The following FGD4 variants were observed in gnomAD, a reference collection of about 807,000 sequenced individuals.
The protein encoded by FGD4 is FYVE, RhoGEF and PH domain-containing protein 4.
FGD4 carries 42 observed loss-of-function variants against 102.0 expected under a neutral mutation model. The observed-to-expected ratio is 0.41, with a 90% confidence interval of 0.32 to 0.53. The LOEUF (loss-of-function observed/expected upper bound fraction) is 0.53. FGD4 is among the 20% of genes least tolerant of loss of function. The pLI is 0.21. For missense variants in FGD4, 902 were observed against 1,078.2 expected (o/e 0.84, Z 2.29); for synonymous variants, 380 against 375.7 (o/e 1.01, Z -0.13).
chr12:32,472,770 C>G (rs1275590774), intron 1 of FGD4, among the ~76,000 whole-genome samples: 1 of 152,210 alleles, frequency 6.6e-6, no homozygotes, highest in Non-Finnish European at 1.5e-5. Context: ...CTGGTGGGGA[C>G]GTGGAGAGTC....
At chr12:32,459,696 CT>C (rs528060186) in intron 1 of FGD4, among the ~76,000 whole-genome samples, 23 of 145,420 alleles carry the variant, frequency 1.6e-4, no homozygotes, top group East Asian at 2.0e-4. Flanking sequence ...AGTAGATTTT[CT>C]TTTTTTTTTT....
intron 2 of FGD4, among the ~76,000 whole-genome samples, chr12:32,575,103 G>C (rs2136364650): frequency 1.3e-5 from 2 of 152,154 alleles, no homozygotes; most frequent in East Asian, 3.8e-4. Flanking sequence ...TTCATGAAAT[G>C]ATCTTTATTT....
At chr12:32,593,874 C>T (rs1251119323) in intron 4 of FGD4, among the ~76,000 whole-genome samples, 2 of 152,298 alleles carry the variant, frequency 1.3e-5, no homozygotes, top group Admixed American at 1.3e-4. Flanking sequence ...GAATAGGCTA[C>T]TGCTACTAAT....
At chr12:32,486,869 T>C (rs1943918718) in intron 1 of FGD4, among the ~76,000 whole-genome samples, 1 of 152,138 alleles carries the variant, frequency 6.6e-6, no homozygotes, top group Non-Finnish European at 1.5e-5. Flanking sequence ...TTTTGTTCAG[T>C]AGGAAGGAGA....
At chr12:32,440,585 G>C (rs1482926100) in intron 1 of FGD4, among the ~76,000 whole-genome samples, 1 of 152,108 alleles carries the variant, frequency 6.6e-6, no homozygotes, top group Non-Finnish European at 1.5e-5. Context: ...GAACCCCTGT[G>C]GCCACTACCA....
chr12:32,439,671 C>T (rs1169307865), intron 1 of FGD4, among the ~76,000 whole-genome samples: 1 of 152,142 alleles, frequency 6.6e-6, no homozygotes, highest in East Asian at 1.9e-4. Context: ...GTTAAATCTG[C>T]TTGGTGTTCT....
chr12:32,605,481 C>T (rs1213331287), intron 7 of FGD4, among the ~76,000 whole-genome samples: 1 of 152,134 alleles, frequency 6.6e-6, no homozygotes, highest in African/African-American at 2.4e-5. Flanking sequence ...TCATACTTTT[C>T]AGTGATATCC....
At chr12:32,526,287 C>T (rs12820309) in intron 1 of FGD4, among the ~76,000 whole-genome samples, 11,659 of 151,740 alleles carry the variant, frequency 0.077, 651 homozygotes, top group Non-Finnish European at 0.11. Flanking sequence ...ACCTTTATGT[C>T]TAGCTCAAGG....
intron 1 of FGD4, among the ~76,000 whole-genome samples, chr12:32,563,411 G>C (rs1944857971): frequency 6.6e-6 from 1 of 151,884 alleles, no homozygotes; most frequent in Admixed American, 6.5e-5. Context: ...TGGGCGGCCG[G>C]GCAGAGACGC....
rs76834265 is a variant in FGD4 at position 32,633,526 on chromosome 12, T to G, written c.2173-23T>G. On this transcript the variant is annotated intron_variant, in intron 14 of 16. Coordinates refer to ENST00000534526, the MANE Select transcript of FGD4 (RefSeq NM_001370298.3). ...TCATATCCTTTAAATATGATTACTG[T>G]TCATTTTTCTTTTAAATTTAAGGTG... 9.4e-3 allele frequency: 15,075 copies of G among 1,605,220 alleles called. 90 individuals carry two copies. The highest frequency in any genetic ancestry group is 0.012 in the Non-Finnish European group (13,999 of 1,173,164).
rs947139296 is a variant in FGD4 at position 32,578,937 on chromosome 12, T to C, written c.503+2488T>C. Among the ~76,000 whole-genome samples the C allele has an allele frequency of 3.3e-5, 5 of 152,074 alleles. No individual in the cohort carries two copies. The South Asian group carries it at 8.3e-4, about 25-fold the overall frequency. ...TTTCCTTCTTTCTCCTATTCCTCCT[T>C]CTTTCTCTCTTTCAGGTTAAGAGAG... On this transcript the variant is annotated intron_variant, in intron 3 of 16. Coordinates refer to ENST00000534526, the MANE Select transcript of FGD4 (RefSeq NM_001370298.3).
intron 1 of FGD4, among the ~76,000 whole-genome samples, chr12:32,521,599 G>A (rs1940563541): frequency 6.6e-6 from 1 of 152,070 alleles, no homozygotes; most frequent in Non-Finnish European, 1.5e-5. Flanking sequence ...GTCCCATATG[G>A]GGCTCAGTAA....
intron 1 of FGD4, among the ~76,000 whole-genome samples, chr12:32,428,126 G>A (rs1565734424): frequency 6.6e-6 from 1 of 152,062 alleles, no homozygotes; most frequent in Non-Finnish European, 1.5e-5. Flanking sequence ...TGGTTATTTT[G>A]CCCATTAGTT....
Position 32,399,733 on chromosome 12 carries a change from G to A in FGD4, c.-61G>A, listed in dbSNP as rs904539367. 2.4e-5 allele frequency: 37 copies of A among 1,512,406 alleles called. 1 individual carries two copies. In the African/African-American group the frequency reaches 4.3e-4, roughly 18 times the overall value. 93.7% of individuals were successfully genotyped at this position (1,512,406 alleles called of 1,614,324 possible). ...TGGGCATGCAGGCGACGCCCCCCAG[G>A]GGCCGCTCGCGGCTGGACGGGAGCG... is the stretch of plus-strand genomic sequence containing the variant. On this transcript the variant is annotated 5_prime_UTR_variant, in exon 1 of 17. Transcript: ENST00000534526.
intron 1 of FGD4, among the ~76,000 whole-genome samples, chr12:32,403,447 A>G (rs1228212629): frequency 6.6e-6 from 1 of 152,124 alleles, no homozygotes; most frequent in Non-Finnish European, 1.5e-5. Flanking sequence ...AGAGATAACA[A>G]TCCTTATAAT....
At chr12:32,519,156 C>G (rs1187496630) in intron 1 of FGD4, among the ~76,000 whole-genome samples, 1 of 150,244 alleles carries the variant, frequency 6.7e-6, no homozygotes, top group African/African-American at 2.4e-5. Context: ...TCCCCACCGC[C>G]GCCCCCACCA....
chr12:32,572,261 C>T (rs1378703495), intron 2 of FGD4, among the ~76,000 whole-genome samples: 1 of 152,120 alleles, frequency 6.6e-6, no homozygotes, highest in Non-Finnish European at 1.5e-5. Flanking sequence ...TTGTACTTAG[C>T]TGATCTTATT....
intron 1 of FGD4, among the ~76,000 whole-genome samples, chr12:32,439,073 T>C (rs1303061146): frequency 4.6e-5 from 7 of 152,206 alleles, no homozygotes; most frequent in African/African-American, 1.4e-4. Flanking sequence ...GAACTTATTC[T>C]TCCTATCCAA....
chr12:32,538,690 T>C (rs1370488314), intron 1 of FGD4, among the ~76,000 whole-genome samples: 1 of 152,056 alleles, frequency 6.6e-6, no homozygotes, highest in Non-Finnish European at 1.5e-5. Flanking sequence ...AGCTTTGGGG[T>C]GTGAAACCAA....
Sources: allele counts gnomAD v4.1 joint callset (sites outside exome capture counted in the v4.1 genomes callset), GRCh38; gene constraint gnomAD v4.1.1; transcripts MANE v1.5; gene names NCBI Gene and HGNC (gene_info 2026-07-23, HGNC 2026-07-21).